Variants in PTPRQ observed in about 807,000 individuals in gnomAD.
PTPRQ encodes the protein phosphatidylinositol phosphatase PTPRQ.
A neutral mutation model predicts 246.0 loss-of-function variants in PTPRQ; 199 were observed. That is an observed-to-expected ratio of 0.81 (90% CI 0.72 to 0.91). PTPRQ has a LOEUF of 0.91. PTPRQ is among the 40% of genes least tolerant of loss of function. The pLI is 0.00. For synonymous variants in PTPRQ, 869 were observed against 853.2 expected, an observed-to-expected ratio of 1.02 and a Z score of -0.32; for missense variants, 2,624 against 2,528.4, an observed-to-expected ratio of 1.04 and a Z score of -0.81.
intron 3 of PTPRQ, among the ~76,000 whole-genome samples, chr12:80,447,402 T>A (rs1235393895): frequency 6.6e-6 from 1 of 152,062 alleles, no homozygotes; most frequent in Non-Finnish European, 1.5e-5. Context: ...TTAGTTTAAC[T>A]AAGTCCCATT....
chr12:80,506,498 A>C, intron 15 of PTPRQ, 71 bp from the exon 16 acceptor site: 1 of 1,223,696 alleles, frequency 8.2e-7, no homozygotes, highest in Non-Finnish European at 1.1e-6. Context: ...CAGCCATTTC[A>C]TAGTTTGCCT....
chr12:80,532,960 A>T (rs1221128878), intron 17 of PTPRQ, among the ~76,000 whole-genome samples: 1 of 152,124 alleles, frequency 6.6e-6, no homozygotes, highest in Non-Finnish European at 1.5e-5. Flanking sequence ...TATTCCTCCT[A>T]ATGATTCAAG....
At position 80,541,769 on chromosome 12, in the gene PTPRQ, A is replaced by G. The variant is rs1191888480; in HGVS notation, c.3369A>G (p.Leu1123=). The change falls in exon 21 of 45, where the codon TTA becomes TTG. Residue 1123 remains leucine, a synonymous_variant. Coordinates refer to ENST00000644991, the MANE Select transcript of PTPRQ (RefSeq NM_001145026.2). ...DNLEKYTDYI[L]KITPSTEKGF... ...TGGAAAAATACACTGATTATATATT[A>G]AAAATTACTCCATCAACAGAAAAGG... 6.4e-7 allele frequency: 1 copy of G among 1,550,964 alleles called. No individual in the cohort carries two copies. Among genetic ancestry groups the G allele is most frequent in the African/African-American group, 1.4e-5 (1 of 73,040 alleles).
chr12:80,531,552 G>A (rs932058823), intron 17 of PTPRQ, among the ~76,000 whole-genome samples: 1 of 152,142 alleles, frequency 6.6e-6, no homozygotes, highest in Non-Finnish European at 1.5e-5. Context: ...TCACACTTCA[G>A]CACAGAGATT....
At chr12:80,631,013 C>T (rs574104150) in intron 33 of PTPRQ, among the ~76,000 whole-genome samples, 1 of 152,046 alleles carries the variant, frequency 6.6e-6, no homozygotes, top group Non-Finnish European at 1.5e-5. Flanking sequence ...CGTGCCCAGC[C>T]CTGTTTATTA....
At chr12:80,625,439 G>A (rs950591929) in intron 33 of PTPRQ, among the ~76,000 whole-genome samples, 5 of 152,270 alleles carry the variant, frequency 3.3e-5, no homozygotes, top group South Asian at 2.1e-4. Flanking sequence ...GCACTAAGCC[G>A]AGTTGCCTGT....
At chr12:80,579,751 C>G (rs1011638494) in intron 25 of PTPRQ, among the ~76,000 whole-genome samples, 1 of 151,988 alleles carries the variant, frequency 6.6e-6, no homozygotes, top group Non-Finnish European at 1.5e-5. Context: ...TTAATGTTAG[C>G]AAATTTTACT....
At chr12:80,673,361 T>C (rs1901034452) in intron 43 of PTPRQ, 57 bp downstream of exon 43, 3 of 1,514,490 alleles carry the variant, frequency 2.0e-6, no homozygotes, top group South Asian at 2.6e-5. Flanking sequence ...ACATGGGAGA[T>C]CTTAGTGGCA....
At chr12:80,473,276 A>T (rs775397019) in intron 8 of PTPRQ, among the ~76,000 whole-genome samples, 9 of 152,222 alleles carry the variant, frequency 5.9e-5, no homozygotes, top group Non-Finnish European at 1.2e-4. Context: ...CATACTCATA[A>T]GGAAAATGTT....
Position 80,617,157 on chromosome 12 carries a change from A to G in PTPRQ, c.5230+891A>G, listed in dbSNP as rs143508145. ...ATCATGGATTAGCCACTTGATATCT[A>G]TTTGACTTTGAGAAAGTTTCTTAAC... On this transcript the variant is annotated intron_variant, in intron 30 of 44. Transcript: ENST00000644991. 5.3e-5 allele frequency among the ~76,000 whole-genome samples: 8 copies of G among 151,308 alleles called. 2 individuals carry two copies. The highest frequency in any genetic ancestry group is 1.7e-4 in the African/African-American group (7 of 41,402).
intron 25 of PTPRQ, among the ~76,000 whole-genome samples, chr12:80,571,937 T>G (rs576463482): frequency 6.6e-6 from 1 of 152,128 alleles, no homozygotes; most frequent in Non-Finnish European, 1.5e-5. Flanking sequence ...ATTATAAGTC[T>G]TGAAATCAGT....
At chr12:80,455,165 C>T (rs1244271261) in intron 3 of PTPRQ, among the ~76,000 whole-genome samples, 5 of 151,228 alleles carry the variant, frequency 3.3e-5, no homozygotes, top group South Asian at 2.1e-4. Flanking sequence ...AAGAACAAAA[C>T]GCCGCCAAAC....
intron 14 of PTPRQ, among the ~76,000 whole-genome samples, chr12:80,501,458 G>A (rs1894796630): frequency 6.6e-6 from 1 of 151,908 alleles, no homozygotes. Flanking sequence ...TTTGCAACAT[G>A]TTTGAAATAT....
At position 80,496,487 on chromosome 12, in the gene PTPRQ, G is replaced by A. The variant is rs1303731734; in HGVS notation, c.2228G>A (p.Gly743Asp). Residue 743 changes from glycine to aspartate, a missense_variant, in exon 14 of 45, where the codon GGC becomes GAC. Gly to Asp is a moderately conservative substitution (Grantham distance 94, BLOSUM62 -1). Coordinates refer to ENST00000644991, the MANE Select transcript of PTPRQ (RefSeq NM_001145026.2). ...SVRSYTRFGHGNQVSSLLSVR... is the reference protein window; with the variant it reads ...SVRSYTRFGHDNQVSSLLSVR... ...AGGTCTTACACCAGATTTGGTCATG[G>A]CAATCAGGTATCTTCTTTACTCTCT... 1.9e-6 allele frequency: 3 copies of A among 1,550,084 alleles called. No homozygotes were observed. Among genetic ancestry groups the A allele is most frequent in the South Asian group, 1.2e-5 (1 of 83,798 alleles).
At chr12:80,602,866 ATCT>A (rs1240871780) in intron 26 of PTPRQ, among the ~76,000 whole-genome samples, 6 of 151,804 alleles carry the variant, frequency 4.0e-5, no homozygotes, top group African/African-American at 1.4e-4. Context: ...GCAAGAAATT[ATCT>A]GCAATTTAAA....
At chr12:80,453,171 T>G (rs1467808660) in intron 3 of PTPRQ, among the ~76,000 whole-genome samples, 1 of 152,230 alleles carries the variant, frequency 6.6e-6, no homozygotes, top group African/African-American at 2.4e-5. Flanking sequence ...CTCCTGAGGC[T>G]TCTGCATTCT....
chr12:80,598,402 G>T (rs1299389093), intron 26 of PTPRQ, among the ~76,000 whole-genome samples: 1 of 151,976 alleles, frequency 6.6e-6, no homozygotes, highest in African/African-American at 2.4e-5. Context: ...ACAGGAATAT[G>T]TCCTGAGATA....
intron 17 of PTPRQ, among the ~76,000 whole-genome samples, chr12:80,514,396 A>ACT (rs1258658655): frequency 1.3e-4 from 9 of 68,498 alleles, no homozygotes; most frequent in Non-Finnish European, 2.7e-4. Context: ...ACACACACAC[A>ACT]CACACACTCT....
chr12:80,514,373 TACACAC>T (rs372647668), intron 17 of PTPRQ, among the ~76,000 whole-genome samples: 29 of 112,178 alleles, frequency 2.6e-4, no homozygotes, highest in East Asian at 2.2e-3. Context: ...GGCTTTATTT[TACACAC>T]ACACACACAC....
Sources: allele counts gnomAD v4.1 joint callset (sites outside exome capture counted in the v4.1 genomes callset), GRCh38; gene constraint gnomAD v4.1.1; transcripts MANE v1.5; gene names NCBI Gene and HGNC (gene_info 2026-07-23, HGNC 2026-07-21).